H1-6: variants seen among roughly 807,000 people sequenced by gnomAD.
H1-6 encodes H1.6 linker histone, cluster member.
For synonymous variants in H1-6, 225 were observed against 100.1 expected (o/e 2.25, Z -7.45); for missense variants, 538 against 246.5 (o/e 2.18, Z -7.92).
Position 26,107,545 on chromosome 6 carries a change from C to T in H1-6, c.549G>A (p.Val183=), listed in dbSNP as rs1004547727. The change falls in exon 1 of 1, where the codon GTG becomes GTA. Residue 183 remains valine, a synonymous_variant. Coordinates refer to ENST00000338379, the MANE Select transcript of H1-6 (RefSeq NM_005323.4). ...AKGKQQQKSP[V]KARASKSKLT... is the part of the protein sequence containing the mutation. ...ATTTTGACTTCGAAGCCCTTGCCTTCACTGGGCTCTTCTGCTGTTGCTTAC... is the reference window on the plus strand; with the variant it reads ...ATTTTGACTTCGAAGCCCTTGCCTTTACTGGGCTCTTCTGCTGTTGCTTAC... 4 of 1,613,838 alleles carry T rather than the reference C, an allele frequency of 2.5e-6. No individual in the cohort carries two copies. The highest frequency in any genetic ancestry group is 1.3e-5 in the African/African-American group (1 of 75,018).
Position 26,107,953 on chromosome 6 carries a change from C to T in H1-6, c.141G>A (p.Leu47=). ...RKVPNLSVSK[L]ITEALSVSQE... ...GTGACACTGAAAGGGCCTCGGTGAT[C>T]AACTTGGACACAGAGAGGTTCGGCA... The change falls in exon 1 of 1, where the codon TTG becomes TTA. Residue 47 remains leucine, a synonymous_variant. Transcript: ENST00000338379. 2 of 1,614,184 alleles carry T rather than the reference C, an allele frequency of 1.2e-6. No individual in the cohort carries two copies. The highest frequency in any genetic ancestry group is 1.7e-6 in the Non-Finnish European group (2 of 1,180,032).
chr6:26,107,662 T>G lies in H1-6; in HGVS notation c.432A>C (p.Pro144=). 1 of 1,614,208 alleles carries G rather than the reference T, an allele frequency of 6.2e-7. No individual in the cohort carries two copies. Among genetic ancestry groups the G allele is most frequent in the Non-Finnish European group, 8.5e-7 (1 of 1,180,038 alleles). Residue 144 remains proline (P), a synonymous_variant, in exon 1 of 1, where the codon CCA becomes CCC. Coordinates refer to ENST00000338379, the MANE Select transcript of H1-6 (RefSeq NM_005323.4). ...CTCTCTTATTGGTTTTAGCAGTCTT[T>G]GGTGACTTGGAGTCCCTGGATAAAA... ...KLVLSRDSKS[P]KTAKTNKRAK...
At position 26,108,024 on chromosome 6, in the gene H1-6, T is replaced by TA; in HGVS notation, c.69_70insT (p.Lys24Ter). 6.2e-7 allele frequency: 1 copy of TA among 1,614,184 alleles called. No individual in the cohort carries two copies. Among genetic ancestry groups the TA allele is most frequent in the Non-Finnish European group, 8.5e-7 (1 of 1,180,024 alleles). ...AAGCCAGCCGGCTTCCTCCCTCGCT[T>TA]CTTGGTTGGAAGTTTCTCCATAGCG... On this transcript the variant is annotated frameshift_variant, in exon 1 of 1. Transcript: ENST00000338379. LOFTEE classifies it low-confidence loss of function (END_TRUNC).
chr6:26,107,963 A>T lies in H1-6; in HGVS notation c.131T>A (p.Val44Glu). The change falls in exon 1 of 1, where the codon GTG becomes GAG. Residue 44 changes from valine (V) to glutamate (E), a missense_variant. Physicochemically the swap from Val to Glu is moderately radical, Grantham distance 121. Coordinates refer to ENST00000338379, the MANE Select transcript of H1-6 (RefSeq NM_005323.4). ...AAGGGCCTCGGTGATCAACTTGGACACAGAGAGGTTCGGCACTTTGCGACT... is the reference window on the plus strand; with the variant it reads ...AAGGGCCTCGGTGATCAACTTGGACTCAGAGAGGTTCGGCACTTTGCGACT... The part of the protein sequence containing the change: ...SASRKVPNLS[V>E]SKLITEALSV... 1 of 1,614,176 alleles carries T rather than the reference A, an allele frequency of 6.2e-7. No individual in the cohort carries two copies. Among genetic ancestry groups the T allele is most frequent in the Non-Finnish European group, 8.5e-7 (1 of 1,180,042 alleles).
At position 26,107,671 on chromosome 6, in the gene H1-6, G is replaced by GGAGTC; in HGVS notation, c.418_422dup (p.Lys142ThrfsTer44). On this transcript the variant is annotated frameshift_variant, in exon 1 of 1. Coordinates refer to ENST00000338379, the MANE Select transcript of H1-6 (RefSeq NM_005323.4). LOFTEE classifies it low-confidence loss of function (END_TRUNC). The stretch of plus-strand genomic sequence containing the variant: ...TGGTTTTAGCAGTCTTTGGTGACTT[G>GGAGTC]GAGTCCCTGGATAAAACCAGCTTCT... The GGAGTC allele has an allele frequency of 1.2e-6, 2 of 1,614,074 alleles. No individual in the cohort carries two copies. The highest frequency in any genetic ancestry group is 1.7e-6 in the Non-Finnish European group (2 of 1,179,984).
At position 26,107,909 on chromosome 6, in the gene H1-6, G is replaced by A. The variant is rs760907782; in HGVS notation, c.185C>T (p.Ser62Phe). 7 of 1,614,218 alleles carry A rather than the reference G, an allele frequency of 4.3e-6. No homozygotes were observed. Among genetic ancestry groups the A allele is most frequent in the East Asian group, 2.2e-5 (1 of 44,890 alleles). Residue 62 changes from serine (S) to phenylalanine (F), a missense_variant, in exon 1 of 1, where the codon TCT (serine) becomes TTT (phenylalanine). By Grantham distance (155) the Ser-to-Phe change is radical. Coordinates refer to ENST00000338379, the MANE Select transcript of H1-6 (RefSeq NM_005323.4). The stretch of plus-strand genomic sequence containing the variant: ...CAATGCCTTCTTGAGCGCAACCAAA[G>A]ACATACCTACTCGTTCCTGTGACAC... ...LSVSQERVGM[S>F]LVALKKALAA...
Position 26,107,833 on chromosome 6 carries a change from G to A in H1-6, c.261C>T (p.Ser87=), listed in dbSNP as rs757930991. Residue 87 remains serine, a synonymous_variant, in exon 1 of 1, where the codon TCC becomes TCT. Transcript: ENST00000338379. ...TTCCCTTGTTCACTAAGCTCTTGAG[G>A]GACAGTTTGATGCGGCTGTTATTCT... The part of the protein sequence containing the change: ...VEKNNSRIKL[S]LKSLVNKGIL... The A allele has an allele frequency of 1.3e-5, 21 of 1,614,206 alleles. No individual in the cohort carries two copies. The highest frequency in any genetic ancestry group is 2.7e-5 in the African/African-American group (2 of 75,052).
rs1398884493 is a variant in H1-6, at chr6:26,107,818, C to G, written c.276G>C (p.Val92=). ...TGGTTTGCACCAGGATTCCCTTGTTCACTAAGCTCTTGAGGGACAGTTTGA... is the reference window on the plus strand; with the variant it reads ...TGGTTTGCACCAGGATTCCCTTGTTGACTAAGCTCTTGAGGGACAGTTTGA... ...SRIKLSLKSL[V]NKGILVQTRG... The change falls in exon 1 of 1, where the codon GTG becomes GTC. Residue 92 remains valine, a synonymous_variant. Transcript: ENST00000338379. 1 of 1,614,222 alleles carries G rather than the reference C, an allele frequency of 6.2e-7. No individual in the cohort carries two copies. Among genetic ancestry groups the G allele is most frequent in the South Asian group, 1.1e-5 (1 of 91,084 alleles).
rs772843550 is a variant in H1-6 at position 26,107,983 on chromosome 6, G to A, written c.111C>T (p.Arg37=). 75 of 1,614,072 alleles carry A rather than the reference G, an allele frequency of 4.6e-5. No homozygotes were observed. Among genetic ancestry groups the A allele is most frequent in the Admixed American group, 1.3e-4 (8 of 60,006 alleles). The change falls in exon 1 of 1, where the codon CGC becomes CGT. Residue 37 remains arginine, a synonymous_variant. Transcript: ENST00000338379. ...TGGACACAGAGAGGTTCGGCACTTT[G>A]CGACTTGCACTTATCAAGCCAGCCG... ...RKPAGLISAS[R]KVPNLSVSKL...
Position 26,107,635 on chromosome 6 carries a change from G to A in H1-6, c.459C>T (p.Ala153=), listed in dbSNP as rs772805286. Residue 153 remains alanine (A), a synonymous_variant, in exon 1 of 1, where the codon GCC becomes GCT. Transcript: ENST00000338379. The part of the protein sequence containing the change: ...SPKTAKTNKR[A]KKPRATTPKT... ...TAGGAGTTGTCGCTCTCGGCTTCTT[G>A]GCTCTCTTATTGGTTTTAGCAGTCT... 9 of 1,613,928 alleles carry A rather than the reference G, an allele frequency of 5.6e-6. No individual in the cohort carries two copies. Among genetic ancestry groups the A allele is most frequent in the Middle Eastern group, 1.6e-4 (1 of 6,084 alleles).
rs781562286 is a variant in H1-6 at position 26,107,972 on chromosome 6, T to C, written c.122A>G (p.Asn41Ser). The change falls in exon 1 of 1, where the codon AAC becomes AGC. Residue 41 changes from asparagine to serine, a missense_variant. By Grantham distance (46) the Asn-to-Ser change is conservative. Coordinates refer to ENST00000338379, the MANE Select transcript of H1-6 (RefSeq NM_005323.4). ...GLISASRKVPNLSVSKLITEA... is the reference protein window; with the variant it reads ...GLISASRKVPSLSVSKLITEA... ...GGTGATCAACTTGGACACAGAGAGG[T>C]TCGGCACTTTGCGACTTGCACTTAT... is the stretch of plus-strand genomic sequence containing the variant. 2 of 1,614,022 alleles carry C rather than the reference T, an allele frequency of 1.2e-6. No individual in the cohort carries two copies. Among genetic ancestry groups the C allele is most frequent in the East Asian group, 4.5e-5 (2 of 44,892 alleles).
In H1-6 at chr6:26,107,965, A is replaced by ATCTC; in HGVS notation, c.128_129insGAGA (p.Val44ArgfsTer39). ...GGGCCTCGGTGATCAACTTGGACACAGAGAGGTTCGGCACTTTGCGACTTG... is the reference window on the plus strand; with the variant it reads ...GGGCCTCGGTGATCAACTTGGACACATCTCGAGAGGTTCGGCACTTTGCGACTTG... On this transcript the variant is annotated frameshift_variant, in exon 1 of 1. Transcript: ENST00000338379. LOFTEE classifies it low-confidence loss of function (END_TRUNC). The ATCTC allele has an allele frequency of 1.2e-6, 2 of 1,614,180 alleles. No individual in the cohort carries two copies. Among genetic ancestry groups the ATCTC allele is most frequent in the Non-Finnish European group, 1.7e-6 (2 of 1,180,012 alleles).
rs748087427 is a variant in H1-6, at chr6:26,107,758, A to C, written c.336T>G (p.Ser112Arg). ...GTGASGSFKL[S>R]KKVIPKSTRS... The stretch of plus-strand genomic sequence containing the variant: ...TGGTAGATTTAGGAATCACCTTCTT[A>C]CTAAGCTTAAAGGAACCGGAAGCAC... The change falls in exon 1 of 1, where the codon AGT (serine) becomes AGG (arginine). Residue 112 changes from serine (S) to arginine (R), a missense_variant. Transcript: ENST00000338379. 3 of 1,614,162 alleles carry C rather than the reference A, an allele frequency of 1.9e-6. No homozygotes were observed. The highest frequency in any genetic ancestry group is 2.5e-6 in the Non-Finnish European group (3 of 1,180,026).
At position 26,107,585 on chromosome 6, in the gene H1-6, G is replaced by A; in HGVS notation, c.509C>T (p.Ala170Val). ...TPKTVRSGRK[A>V]KGAKGKQQQK... ...CTGTTGCTTACCCTTGGCTCCTTTA[G>A]CCTTTCTCCCGCTCCTAACAGTTTT... The change falls in exon 1 of 1, where the codon GCT becomes GTT. Residue 170 changes from alanine (A) to valine (V), a missense_variant. Transcript: ENST00000338379. 2 of 1,614,122 alleles carry A rather than the reference G, an allele frequency of 1.2e-6. No homozygotes were observed. The highest frequency in any genetic ancestry group is 4.5e-5 in the East Asian group (2 of 44,872).
chr6:26,108,090 A>C lies in H1-6; in HGVS notation c.4T>G (p.Ser2Ala), dbSNP rs752949484. M[S>A]ETVPAASASA... Reference sequence around the variant, plus strand: ...GCAGAAGCTGCAGGCACGGTTTCAGACATAACAACAGAGAAACGCAAGATG... The same window carrying C: ...GCAGAAGCTGCAGGCACGGTTTCAGCCATAACAACAGAGAAACGCAAGATG... Residue 2 changes from serine to alanine, a missense_variant, in exon 1 of 1, where the codon TCT (serine) becomes GCT (alanine). Coordinates refer to ENST00000338379, the MANE Select transcript of H1-6 (RefSeq NM_005323.4). 5 of 1,613,438 alleles carry C rather than the reference A, an allele frequency of 3.1e-6. No homozygotes were observed. The highest frequency in any genetic ancestry group is 3.4e-6 in the Non-Finnish European group (4 of 1,179,730).
rs35724031 is a variant in H1-6, at chr6:26,107,975, G to C, written c.119C>G (p.Pro40Arg). Reference sequence around the variant, plus strand: ...GATCAACTTGGACACAGAGAGGTTCGGCACTTTGCGACTTGCACTTATCAA... The same window carrying C: ...GATCAACTTGGACACAGAGAGGTTCCGCACTTTGCGACTTGCACTTATCAA... ...AGLISASRKV[P>R]NLSVSKLITE... The change falls in exon 1 of 1, where the codon CCG (proline) becomes CGG (arginine). Residue 40 changes from proline to arginine, a missense_variant. By Grantham distance (103) the Pro-to-Arg change is moderately radical. Coordinates refer to ENST00000338379, the MANE Select transcript of H1-6 (RefSeq NM_005323.4). The C allele has an allele frequency of 5.0e-6, 8 of 1,614,044 alleles. No individual in the cohort carries two copies. In the African/African-American group the frequency reaches 9.3e-5, roughly 19 times the overall value.
rs374107007 is a variant in H1-6 at position 26,107,659 on chromosome 6, C to T, written c.435G>A (p.Lys145=). 1.2e-6 allele frequency: 2 copies of T among 1,614,096 alleles called. No individual in the cohort carries two copies. Among genetic ancestry groups the T allele is most frequent in the Middle Eastern group, 1.6e-4 (1 of 6,062 alleles). ...TGGCTCTCTTATTGGTTTTAGCAGT[C>T]TTTGGTGACTTGGAGTCCCTGGATA... The part of the protein sequence containing the change: ...LVLSRDSKSP[K]TAKTNKRAKK... Residue 145 remains lysine, a synonymous_variant, in exon 1 of 1, where the codon AAG becomes AAA. Coordinates refer to ENST00000338379, the MANE Select transcript of H1-6 (RefSeq NM_005323.4).
In H1-6 at chr6:26,107,610, TAGG is replaced by T. The variant is rs1561950766; in HGVS notation, c.481_483del (p.Pro161del). On this transcript the variant is annotated inframe_deletion, in exon 1 of 1. Transcript: ENST00000338379. ...GCCTTTCTCCCGCTCCTAACAGTTT[TAGG>T]AGTTGTCGCTCTCGGCTTCTTGGCT... 1.2e-6 allele frequency: 2 copies of T among 1,614,220 alleles called. No homozygotes were observed. Among genetic ancestry groups the T allele is most frequent in the Non-Finnish European group, 1.7e-6 (2 of 1,180,046 alleles).
chr6:26,107,743 AG>A lies in H1-6; in HGVS notation c.350del (p.Pro117LeufsTer67). ...GSFKLSKKVI[P>X]KSTRSKAKKS... is the part of the protein sequence containing the mutation. ...TTTTAGCCTTGCTTCTGGTAGATTT[AG>A]GAATCACCTTCTTACTAAGCTTAAA... On this transcript the variant is annotated frameshift_variant, in exon 1 of 1. Coordinates refer to ENST00000338379, the MANE Select transcript of H1-6 (RefSeq NM_005323.4). LOFTEE classifies it low-confidence loss of function (END_TRUNC). 6.2e-7 allele frequency: 1 copy of A among 1,614,196 alleles called. No individual in the cohort carries two copies. Among genetic ancestry groups the A allele is most frequent in the Non-Finnish European group, 8.5e-7 (1 of 1,180,038 alleles).
Sources: gnomAD v4.1 joint callset for allele counts on GRCh38, gnomAD v4.1.1 for gene constraint, MANE v1.5 for transcripts, NCBI Gene and HGNC (gene_info 2026-07-23, HGNC 2026-07-21) for gene names.